SGSH: variants seen among roughly 807,000 people sequenced by gnomAD.
SGSH encodes the protein heparan sulfate sulfatase.
In SGSH, 48 loss-of-function variants were observed where a neutral mutation model predicts 51.0. The observed-to-expected ratio is 0.94, with a 90% CI of 0.75 to 1.20. The LOEUF is 1.20. Ranked by LOEUF, SGSH falls within the 50% of genes most tolerant of loss-of-function variation. SGSH has a pLI of 0.00. For synonymous variants in SGSH, 321 were observed against 313.4 expected (o/e 1.02, Z -0.26); for missense variants, 662 against 717.8 (o/e 0.92, Z 0.89).
chr17:80,210,738 A>C lies in SGSH; in HGVS notation c.1223T>G (p.Phe408Cys). ...IDQDFYVSPT[F>C]QDLLNRTTAG... ...TGTGGTGCGGTTCAGGAGGTCCTGG[A>C]AGGTGGGTGAGACGTAGAAGTCCTG... The change falls in exon 8 of 8, where the codon TTC (phenylalanine) becomes TGC (cysteine). Residue 408 changes from phenylalanine to cysteine, a missense_variant. Coordinates refer to ENST00000326317, the MANE Select transcript of SGSH (RefSeq NM_000199.5). 1 of 1,613,926 alleles carries C rather than the reference A, an allele frequency of 6.2e-7. No individual in the cohort carries two copies. Among genetic ancestry groups the C allele is most frequent in the Non-Finnish European group, 8.5e-7 (1 of 1,180,000 alleles).
downstream of SGSH, chr17:80,205,666 C>A (rs372429076): frequency 5.5e-6 from 3 of 546,812 alleles, no homozygotes; most frequent in South Asian, 1.6e-5. Flanking sequence ...AGGTCAAGGG[C>A]GGGGTGGGCA....
Position 80,217,306 on chromosome 17 carries a change from T to C in SGSH, c.89-114A>G. 5.6e-6 allele frequency: 7 copies of C among 1,239,840 alleles called. 1 individual carries two copies. The South Asian group carries it at 7.7e-5, about 14-fold the overall frequency. 76.8% of individuals were successfully genotyped at this position (1,239,840 alleles called of 1,614,324 possible). A position where few individuals can be genotyped will look rare whatever the true frequency, so the allele number is the denominator to read the frequency against. On this transcript the variant is annotated intron_variant, in intron 1 of 7. Transcript: ENST00000326317. The stretch of plus-strand genomic sequence containing the variant: ...AGAAGGCGAGACACCCAGGTGGGCA[T>C]GGTACTGGCTCAGTGTGAACACTCA...
chr17:80,216,943 C>T (rs1246833475), intron 2 of SGSH, 89 bp downstream of exon 2: 6 of 1,308,608 alleles, frequency 4.6e-6, no homozygotes, highest in Non-Finnish European at 6.3e-6. Flanking sequence ...CCCGGGATCC[C>T]AGGGATGGGA....
downstream of SGSH, chr17:80,204,327 C>A: frequency 1.3e-6 from 2 of 1,579,440 alleles, no homozygotes; most frequent in East Asian, 2.3e-5. Flanking sequence ...CAGTTGGACC[C>A]CAGCAGGATG....
At position 80,213,419 on chromosome 17, in the gene SGSH, G is replaced by C. The variant is rs941986092; in HGVS notation, c.745+385C>G. 1 of 272,026 alleles carries C rather than the reference G, an allele frequency of 3.7e-6. No individual in the cohort carries two copies. The highest frequency in any genetic ancestry group is 7.1e-6 in the Non-Finnish European group (1 of 140,018). The allele number at this position is 272,026 out of a possible 1,614,324, so 16.9% of individuals were successfully genotyped here. Reference sequence around the variant, plus strand: ...TTTCAAACTTCTGGCCTCCTGAACTGTGGGAGTACAAATTTTGGTTGCTGT... The same window carrying C: ...TTTCAAACTTCTGGCCTCCTGAACTCTGGGAGTACAAATTTTGGTTGCTGT... On this transcript the variant is annotated intron_variant, in intron 6 of 7. Coordinates refer to ENST00000326317, the MANE Select transcript of SGSH (RefSeq NM_000199.5). The surrounding 1 kb of genome is among the most constrained non-coding windows in gnomAD (Gnocchi z 4.6).
Position 80,212,189 on chromosome 17 carries a change from G to T in SGSH, c.831C>A (p.Pro277=). 1 of 1,613,526 alleles carries T rather than the reference G, an allele frequency of 6.2e-7. No individual in the cohort carries two copies. Among genetic ancestry groups the T allele is most frequent in the Non-Finnish European group, 8.5e-7 (1 of 1,180,016 alleles). ...ACAGGTTGGTCCTGCCGCTGGGGAA[G>T]GGGATCCCGTTGTCGGACGTGAAGA... ...LVIFTSDNGI[P]FPSGRTNLYW... The change falls in exon 7 of 8, where the codon CCC becomes CCA. Residue 277 remains proline, a synonymous_variant. Transcript: ENST00000326317. This position sits in a 1 kb window ranked among gnomAD's most constrained non-coding sequence, Gnocchi z 5.9.
chr17:80,214,105 C>T (rs868111441), intron 5 of SGSH, 67 bp downstream of exon 5: 14 of 1,544,856 alleles, frequency 9.1e-6, no homozygotes, highest in Admixed American at 5.8e-5. Flanking sequence ...GCTGCAAGCT[C>T]GTAGGAGGCC....
chr17:80,214,104 T>C, intron 5 of SGSH, 68 bp downstream of exon 5: 1 of 1,544,678 alleles, frequency 6.5e-7, no homozygotes, highest in Non-Finnish European at 8.8e-7. Flanking sequence ...GGCTGCAAGC[T>C]CGTAGGAGGC....
At chr17:80,215,542 C>T (rs1398453620) in intron 2 of SGSH, among the ~76,000 whole-genome samples, 5 of 152,226 alleles carry the variant, frequency 3.3e-5, no homozygotes, top group African/African-American at 9.6e-5. Context: ...GACTGCCGGC[C>T]GGGCGTGGTG....
downstream of SGSH, chr17:80,202,679 C>A: frequency 8.2e-7 from 1 of 1,215,754 alleles, no homozygotes; most frequent in Non-Finnish European, 1.1e-6. Flanking sequence ...GCTTTGGTAC[C>A]ATGGACGTTT....
downstream of SGSH, chr17:80,201,825 A>C (rs1301128400): frequency 1.2e-5 from 20 of 1,613,872 alleles, no homozygotes; most frequent in Non-Finnish European, 8.5e-7. The surrounding 1 kb of genome is among the most constrained non-coding windows in gnomAD (Gnocchi z 5.0). Flanking sequence ...GCTTCTCAGG[A>C]GGGTGGACGG....
intron 1 of SGSH, among the ~76,000 whole-genome samples, chr17:80,217,868 A>G (rs2144790981): frequency 6.6e-6 from 1 of 151,504 alleles, no homozygotes; most frequent in Admixed American, 6.6e-5. Flanking sequence ...TACCCTAAGC[A>G]GGCATGATAC....
Position 80,210,421 on chromosome 17 carries a change from C to A in SGSH, c.*31G>T. 6.4e-7 allele frequency: 1 copy of A among 1,564,742 alleles called. No individual in the cohort carries two copies. The highest frequency in any genetic ancestry group is 8.6e-7 in the Non-Finnish European group (1 of 1,160,220). On this transcript the variant is annotated 3_prime_UTR_variant, in exon 8 of 8. Coordinates refer to ENST00000326317, the MANE Select transcript of SGSH (RefSeq NM_000199.5). ...CGTGTGGGATGTGTCTGGGACATGC[C>A]TGGGATGTGTGCACAGGCCTCCTGG... is the stretch of plus-strand genomic sequence containing the variant.
At chr17:80,211,160 G>T in intron 7 of SGSH, 149 bp from the exon 8 acceptor site, 2 of 1,516,444 alleles carry the variant, frequency 1.3e-6, no homozygotes, top group African/African-American at 1.4e-5. Context: ...ACCTCTCACC[G>T]CCACGTCATC....
downstream of SGSH, chr17:80,208,064 A>C: frequency 8.3e-7 from 1 of 1,199,628 alleles, no homozygotes; most frequent in African/African-American, 1.5e-5. Context: ...GGTGCATGTC[A>C]TCACTACCCT....
At chr17:80,201,608 T>C in the SGSH span, 1 of 871,120 alleles carries the variant, frequency 1.1e-6, no homozygotes, top group Non-Finnish European at 1.9e-6. The surrounding 1 kb of genome is among the most constrained non-coding windows in gnomAD (Gnocchi z 5.0). Context: ...TGGCTTTGTT[T>C]TGACCAAGGC....
At chr17:80,205,686 T>C (rs1243459111), downstream of SGSH, 1 of 1,516,898 alleles carries the variant, frequency 6.6e-7, no homozygotes, top group East Asian at 2.4e-5. Flanking sequence ...AGGGGAGCTG[T>C]CCTGGGAAGG....
intron 3 of SGSH, 31 bp downstream of exon 3, chr17:80,215,002 C>T (rs375137511): frequency 1.9e-6 from 3 of 1,581,344 alleles, no homozygotes. Flanking sequence ...GTGCCTCACC[C>T]CACGCCCTGT....
chr17:80,210,793 G>A lies in SGSH; in HGVS notation c.1168C>T (p.Leu390Phe), dbSNP rs1256343017. Residue 390 changes from leucine to phenylalanine, a missense_variant, in exon 8 of 8, where the codon CTC becomes TTC. Coordinates refer to ENST00000326317, the MANE Select transcript of SGSH (RefSeq NM_000199.5). Reference sequence around the variant, plus strand: ...ATGGGAAAGGGCATCTTGAAGTTGAGGTTGTGCACGAGGCGGAAGTGCCGG... The same window carrying A: ...ATGGGAAAGGGCATCTTGAAGTTGAAGTTGTGCACGAGGCGGAAGTGCCGG... ...QHRHFRLVHN[L>F]NFKMPFPIDQ... 1.2e-6 allele frequency: 2 copies of A among 1,613,956 alleles called. No homozygotes were observed.
Sources: gnomAD v4.1 joint callset for allele counts (sites outside exome capture counted in the v4.1 genomes callset) on GRCh38, gnomAD v4.1.1 for gene constraint, Gnocchi (gnomAD v3.1) non-coding constraint, MANE v1.5 for transcripts, NCBI Gene and HGNC (gene_info 2026-07-23, HGNC 2026-07-21) for gene names.